The following APC variants were observed in gnomAD, a reference collection of about 807,000 sequenced individuals.
The protein encoded by APC is APC regulator of Wnt signaling pathway, also known as adenomatous polyposis coli protein.
A neutral mutation model predicts 247.0 loss-of-function variants in APC; 72 were observed. That is an observed-to-expected ratio of 0.29 (90% CI 0.24 to 0.35). The LOEUF is 0.35. APC is among the 10% of genes least tolerant of loss of function. The pLI is 1.00. For synonymous variants in APC, 1,254 were observed against 1,162.5 expected (o/e 1.08, Z -1.60); for missense variants, 3,400 against 3,360.7 (o/e 1.01, Z -0.29).
In APC at chr5:112,775,600, C is replaced by T. The variant is rs925761509; in HGVS notation, c.423-29C>T. On this transcript the variant is annotated intron_variant, in intron 4 of 15. Transcript: ENST00000257430. ...GCAGTCTTTATTAGCATTGTTTAAA[C>T]GTACCTTTTTTTAAAAAAAAAAAAA... 8 of 1,373,982 alleles carry T rather than the reference C, an allele frequency of 5.8e-6. No individual in the cohort carries two copies. Among genetic ancestry groups the T allele is most frequent in the African/African-American group, 4.3e-5 (3 of 69,148 alleles). 85.1% of individuals were successfully genotyped at this position (1,373,982 alleles called of 1,614,324 possible).
At chr5:112,828,648 C>A (rs555735646) in intron 13 of APC, among the ~76,000 whole-genome samples, 1 of 152,104 alleles carries the variant, frequency 6.6e-6, no homozygotes, top group African/African-American at 2.4e-5. Flanking sequence ...CAGGGTCTCA[C>A]TGTGTTACCC....
Position 112,841,186 on chromosome 5 carries a change from T to C in APC, c.5592T>C (p.Ser1864=), listed in dbSNP as rs2149944064. The C allele has an allele frequency of 6.2e-7, 1 of 1,614,026 alleles. No individual in the cohort carries two copies. Among genetic ancestry groups the C allele is most frequent in the Non-Finnish European group, 8.5e-7 (1 of 1,179,922 alleles). ...TTTCACGAAATGATTCTTTGAGTTC[T>C]CTAGATTTTGATGATGATGATGTTG... The part of the protein sequence containing the change: ...YCFSRNDSLS[S]LDFDDDDVDL... The change falls in exon 16 of 16, where the codon TCT becomes TCC. Residue 1864 remains serine, a synonymous_variant. Coordinates refer to ENST00000257430, the MANE Select transcript of APC (RefSeq NM_000038.6). The surrounding 1 kb of genome is among the most constrained non-coding windows in gnomAD (Gnocchi z 4.6).
At chr5:112,769,831 A>C (rs2149797706) in intron 4 of APC, among the ~76,000 whole-genome samples, 1 of 152,326 alleles carries the variant, frequency 6.6e-6, no homozygotes, top group Admixed American at 6.5e-5. Context: ...CCCATTTATA[A>C]AAATAGGGAT....
Position 112,839,374 on chromosome 5 carries a change from G to A in APC, c.3780G>A (p.Gln1260=), listed in dbSNP as rs763668164. 6.2e-7 allele frequency: 1 copy of A among 1,613,866 alleles called. No individual in the cohort carries two copies. ...KVSSINQETI[Q]TYCVEDTPIC... ...CTTCTATTAACCAAGAAACAATACA[G>A]ACTTATTGTGTAGAAGATACTCCAA... is the stretch of plus-strand genomic sequence containing the variant. The change falls in exon 16 of 16, where the codon CAG becomes CAA. Residue 1260 remains glutamine, a synonymous_variant. Transcript: ENST00000257430. This position sits in a 1 kb window ranked among gnomAD's most constrained non-coding sequence, Gnocchi z 5.0.
chr5:112,745,658 C>T (rs1274123448), intron 1 of APC, among the ~76,000 whole-genome samples: 2 of 151,138 alleles, frequency 1.3e-5, no homozygotes, highest in Non-Finnish European at 2.9e-5. Context: ...CCACCTCAAG[C>T]GATTCTCCTG....
In APC at chr5:112,843,741, T is replaced by A. The variant is rs1766663996; in HGVS notation, c.8147T>A (p.Val2716Glu). ...VGNGSVPMRT[V>E]GLENRLNSFI... is the part of the protein sequence containing the mutation. Reference sequence around the variant, plus strand: ...AATGGCAGTGTTCCCATGCGTACCGTGGGTTTGGAAAATCGCCTGAACTCC... The same window carrying A: ...AATGGCAGTGTTCCCATGCGTACCGAGGGTTTGGAAAATCGCCTGAACTCC... Residue 2716 changes from valine (V) to glutamate (E), a missense_variant, in exon 16 of 16, where the codon GTG (valine) becomes GAG (glutamate). Val to Glu is a moderately radical substitution (Grantham distance 121, BLOSUM62 -2). This residue lies in a region of APC where 1,788 missense variants were observed against 1,649.5 expected (regional missense o/e 1.08). Transcript: ENST00000257430. This position sits in a 1 kb window ranked among gnomAD's most constrained non-coding sequence, Gnocchi z 4.8. 6.2e-7 allele frequency: 1 copy of A among 1,614,110 alleles called. No individual in the cohort carries two copies.
At chr5:112,743,331 C>T (rs1440854926) in intron 1 of APC, among the ~76,000 whole-genome samples, 1 of 152,174 alleles carries the variant, frequency 6.6e-6, no homozygotes, top group Non-Finnish European at 1.5e-5. Flanking sequence ...GTTCCTTTAG[C>T]CACATAAGGT....
intron 10 of APC, among the ~76,000 whole-genome samples, chr5:112,819,900 C>G (rs1173720037): frequency 6.6e-6 from 1 of 152,048 alleles, no homozygotes; most frequent in Admixed American, 6.6e-5. Context: ...GGCCTCACAC[C>G]TAGTAAGTGG....
intron 1 of APC, among the ~76,000 whole-genome samples, chr5:112,711,937 T>C (rs1750876532): frequency 6.6e-6 from 1 of 152,214 alleles, no homozygotes; most frequent in South Asian, 2.1e-4. Context: ...CCTTCATTTA[T>C]TTCCAAAGAA....
chr5:112,718,682 G>A (rs887050925), intron 1 of APC, among the ~76,000 whole-genome samples: 5 of 152,306 alleles, frequency 3.3e-5, no homozygotes, highest in Non-Finnish European at 5.9e-5. Context: ...TTCATTCCTC[G>A]TTATTTTGCT....
rs1580995983 is a variant in APC, at chr5:112,707,546, A to T, written c.-172A>T. The T allele has an allele frequency of 1.8e-6, 1 of 544,956 alleles. No homozygotes were observed. Among genetic ancestry groups the T allele is most frequent in the Non-Finnish European group, 3.1e-6 (1 of 323,512 alleles). 33.8% of individuals were successfully genotyped at this position (544,956 alleles called of 1,614,324 possible). A position where few individuals can be genotyped will look rare whatever the true frequency, so the allele number is the denominator to read the frequency against. ...ACAAGATGGCGGAGGGCAAGTAGCA[A>T]GGGGGCGGGGTGTGGCCGCCGGAAG... On this transcript the variant is annotated 5_prime_UTR_variant, in exon 1 of 14. Transcript: ENST00000507379.
At chr5:112,717,920 T>TTTTTC in intron 1 of APC, among the ~76,000 whole-genome samples, 1 of 129,984 alleles carries the variant, frequency 7.7e-6, no homozygotes, top group Non-Finnish European at 1.6e-5. Flanking sequence ...TTTTTTTTTT[T>TTTTTC]TTTTTTTTTT....
intron 1 of APC, among the ~76,000 whole-genome samples, chr5:112,740,759 C>G (rs1418174443): frequency 6.6e-6 from 1 of 151,982 alleles, no homozygotes; most frequent in African/African-American, 2.4e-5. Flanking sequence ...CTCGTGAGCT[C>G]AAATGATCCT....
At chr5:112,820,245 A>G (rs1219452236) in intron 10 of APC, among the ~76,000 whole-genome samples, 1 of 151,952 alleles carries the variant, frequency 6.6e-6, no homozygotes, top group African/African-American at 2.4e-5. Context: ...ATTCTACTGT[A>G]TCAGCCTATT....
chr5:112,810,122 T>A (rs555506440), intron 8 of APC: 10 of 455,990 alleles, frequency 2.2e-5, no homozygotes, highest in Non-Finnish European at 4.4e-5. Flanking sequence ...TTTCTGTTTT[T>A]AAGATAGAAA....
chr5:112,793,092 T>C (rs1168650898), intron 7 of APC, among the ~76,000 whole-genome samples: 3 of 151,766 alleles, frequency 2.0e-5, no homozygotes, highest in Non-Finnish European at 2.9e-5. Flanking sequence ...AAAAAAGGGT[T>C]AAAAGCAGGA....
chr5:112,833,366 A>G (rs1334869908), intron 14 of APC, among the ~76,000 whole-genome samples: 1 of 152,012 alleles, frequency 6.6e-6, no homozygotes, highest in Admixed American at 6.6e-5. Context: ...GTATTTTAGT[A>G]GAGACAGGGT....
chr5:112,800,108 A>C (rs1760652403), intron 7 of APC, among the ~76,000 whole-genome samples: 1 of 152,260 alleles, frequency 6.6e-6, no homozygotes, highest in Non-Finnish European at 1.5e-5. Context: ...CCAAGAGAGC[A>C]TAGAACAATG....
At chr5:112,741,714 C>A (rs1450409280) in intron 1 of APC, among the ~76,000 whole-genome samples, 1 of 152,112 alleles carries the variant, frequency 6.6e-6, no homozygotes, top group African/African-American at 2.4e-5. Flanking sequence ...CACCACCACC[C>A]ATCTCTAGAA....
Sources: gnomAD v4.1 joint callset for allele counts (sites outside exome capture counted in the v4.1 genomes callset) on GRCh38, gnomAD v4.1.1 for gene constraint, gnomAD v4.1.1 regional missense constraint, Gnocchi (gnomAD v3.1) non-coding constraint, MANE v1.5 for transcripts, NCBI Gene and HGNC (gene_info 2026-07-23, HGNC 2026-07-21) for gene names.